Variants in DPP10 observed in about 807,000 individuals in gnomAD.
DPP10 encodes the protein dipeptidyl peptidase like 10.
A neutral mutation model predicts 120.9 loss-of-function variants in DPP10; 33 were observed. The ratio of observed to expected loss-of-function variants is 0.27; its 90% CI spans 0.21 to 0.37. The LOEUF is 0.37. DPP10 is among the 10% of genes least tolerant of loss of function. The pLI is 1.00. For missense variants in DPP10, 816 were observed against 942.8 expected (o/e 0.87, Z 1.76); for synonymous variants, 337 against 326.1 (o/e 1.03, Z -0.36).
At chr2:115,219,135 C>T (rs1432826473) in intron 1 of DPP10, among the ~76,000 whole-genome samples, 1 of 152,034 alleles carries the variant, frequency 6.6e-6, no homozygotes, top group Non-Finnish European at 1.5e-5. Context: ...AATGAAATAA[C>T]ATGTTAAAAA....
chr2:115,486,505 C>T (rs1464069561), intron 3 of DPP10, among the ~76,000 whole-genome samples: 3 of 152,056 alleles, frequency 2.0e-5, no homozygotes, highest in African/African-American at 4.8e-5. Context: ...TTTATATTTA[C>T]TTTATATGAG....
At chr2:115,450,202 C>T (rs1047409494) in intron 3 of DPP10, among the ~76,000 whole-genome samples, 1 of 151,972 alleles carries the variant, frequency 6.6e-6, no homozygotes, top group Non-Finnish European at 1.5e-5. Context: ...AGAGTACTTA[C>T]ATTAGACTGT....
chr2:115,528,756 A>T lies in DPP10; in HGVS notation c.441+2784A>T, dbSNP rs117767936. Among the ~76,000 whole-genome samples the T allele has an allele frequency of 2.2e-4, 34 of 152,244 alleles. No homozygotes were observed. In the East Asian group the frequency reaches 6.0e-3, roughly 27 times the overall value. ...GAATTATGCCAAGTGAAAAAAAAAC[A>T]GTCCCAAATATGATTGTTTGTATGA... On this transcript the variant is annotated intron_variant, in intron 5 of 25. Transcript: ENST00000410059.
At chr2:115,152,703 A>G (rs987054787) in intron 1 of DPP10, among the ~76,000 whole-genome samples, 9 of 152,142 alleles carry the variant, frequency 5.9e-5, no homozygotes, top group Non-Finnish European at 1.2e-4. Flanking sequence ...TATCCTCAGT[A>G]TGGGGTCCTG....
At chr2:114,763,585 A>G (rs1312429376) in intron 1 of DPP10, among the ~76,000 whole-genome samples, 1 of 152,182 alleles carries the variant, frequency 6.6e-6, no homozygotes, top group Non-Finnish European at 1.5e-5. Context: ...TAAAGCCAAT[A>G]TAAGGAGACT....
chr2:114,643,164 C>T (rs983568277), intron 1 of DPP10, among the ~76,000 whole-genome samples: 1 of 151,866 alleles, frequency 6.6e-6, no homozygotes, highest in African/African-American at 2.4e-5. Flanking sequence ...GCTTTTTCTT[C>T]ACTGTGTTAC....
At chr2:114,530,092 A>G (rs1223537482) in intron 1 of DPP10, among the ~76,000 whole-genome samples, 1 of 152,132 alleles carries the variant, frequency 6.6e-6, no homozygotes, top group Non-Finnish European at 1.5e-5. Flanking sequence ...ATGACACTTT[A>G]TGACATTTCT....
At chr2:114,549,535 C>A (rs1042122530) in intron 1 of DPP10, among the ~76,000 whole-genome samples, 11 of 151,882 alleles carry the variant, frequency 7.2e-5, no homozygotes, top group African/African-American at 2.7e-4. Flanking sequence ...GTGGTGCACA[C>A]CTGTAGTCCC....
chr2:114,548,188 A>G (rs1426626479), intron 1 of DPP10, among the ~76,000 whole-genome samples: 7 of 152,204 alleles, frequency 4.6e-5, no homozygotes, highest in Non-Finnish European at 1.5e-5. Context: ...ATCTATTATT[A>G]CCGTTAAGAT....
chr2:115,713,352 A>G (rs972152624), intron 7 of DPP10, among the ~76,000 whole-genome samples: 7 of 152,126 alleles, frequency 4.6e-5, no homozygotes, highest in Non-Finnish European at 1.0e-4. Context: ...GAGAATGTAG[A>G]GTTAAAGGTT....
At chr2:115,702,470 G>A (rs1284745718) in intron 7 of DPP10, among the ~76,000 whole-genome samples, 2 of 152,040 alleles carry the variant, frequency 1.3e-5, no homozygotes, top group East Asian at 1.9e-4. Flanking sequence ...TAAACAAAAT[G>A]TGGTATATTC....
chr2:114,609,295 G>A (rs140284010), intron 1 of DPP10, among the ~76,000 whole-genome samples: 188 of 152,252 alleles, frequency 1.2e-3, no homozygotes, highest in African/African-American at 4.4e-3. Flanking sequence ...TTCTCCCAGG[G>A]GTGGAAAAAG....
intron 1 of DPP10, among the ~76,000 whole-genome samples, chr2:114,515,575 T>C (rs1038863245): frequency 1.3e-5 from 2 of 152,092 alleles, no homozygotes; most frequent in African/African-American, 2.4e-5. Context: ...CCAACCTAAA[T>C]AGTCAAAATA....
chr2:115,530,928 C>T (rs1322130250), intron 5 of DPP10, among the ~76,000 whole-genome samples: 2 of 152,022 alleles, frequency 1.3e-5, no homozygotes, highest in African/African-American at 4.8e-5. Flanking sequence ...TGATCTCTTC[C>T]ACCCATTGAA....
At chr2:115,111,155 G>A (rs1017394006) in intron 1 of DPP10, among the ~76,000 whole-genome samples, 1 of 151,814 alleles carries the variant, frequency 6.6e-6, no homozygotes, top group African/African-American at 2.4e-5. Flanking sequence ...TTTCTTATGT[G>A]CTTATGTTTT....
intron 2 of DPP10, among the ~76,000 whole-genome samples, chr2:115,318,817 TATC>T (rs2061922712): frequency 6.6e-6 from 1 of 152,158 alleles, no homozygotes; most frequent in Non-Finnish European, 1.5e-5. Flanking sequence ...TATTGTAGAT[TATC>T]TGAGATTTTC....
intron 13 of DPP10, among the ~76,000 whole-genome samples, chr2:115,774,820 G>A (rs1013391645): frequency 2.0e-5 from 3 of 152,094 alleles, no homozygotes; most frequent in African/African-American, 4.8e-5. Flanking sequence ...AGTATGGAAT[G>A]CCCTTTTAGT....
chr2:115,006,302 G>T (rs1262347141), intron 1 of DPP10, among the ~76,000 whole-genome samples: 2 of 151,590 alleles, frequency 1.3e-5, no homozygotes, highest in Non-Finnish European at 2.9e-5. Flanking sequence ...GGAAGAAACT[G>T]CATCAACTAA....
At chr2:115,447,275 C>G (rs2072692064) in intron 3 of DPP10, among the ~76,000 whole-genome samples, 1 of 152,294 alleles carries the variant, frequency 6.6e-6, no homozygotes, top group African/African-American at 2.4e-5. Flanking sequence ...GCCTGTACCC[C>G]CATTGTATCT....
Sources: gnomAD v4.1 joint callset for allele counts (sites outside exome capture counted in the v4.1 genomes callset) on GRCh38, gnomAD v4.1.1 for gene constraint, MANE v1.5 for transcripts, NCBI Gene and HGNC (gene_info 2026-07-23, HGNC 2026-07-21) for gene names.